The following MYH11 variants were observed in gnomAD, a reference collection of about 807,000 sequenced individuals.
MYH11 encodes the protein myosin-11.
In MYH11, 80 loss-of-function variants were observed where a neutral mutation model predicts 246.6. The ratio of observed to expected loss-of-function variants is 0.32; its 90% CI spans 0.27 to 0.39. The LOEUF (loss-of-function observed/expected upper bound fraction) is 0.39, where lower values mean the gene tolerates loss of function less well. Ranked by LOEUF, MYH11 falls within the 10% of genes least tolerant of loss-of-function variation. The pLI, the probability that MYH11 is intolerant of heterozygous loss-of-function variation, is 1.00. For synonymous variants in MYH11, 1,071 were observed against 1,015.5 expected (o/e 1.05, Z -1.04); for missense variants, 2,158 against 2,546.8 (o/e 0.85, Z 3.29).
chr16:15,755,428 C>G (rs75357883), intron 14 of MYH11, among the ~76,000 whole-genome samples: 1 of 152,082 alleles, frequency 6.6e-6, no homozygotes, highest in African/African-American at 2.4e-5. Flanking sequence ...TATTAGTCAC[C>G]CCATTCCAGT....
At chr16:15,849,819 G>A (rs66834422) in intron 1 of MYH11, among the ~76,000 whole-genome samples, 28,645 of 152,094 alleles carry the variant, frequency 0.19, 3,344 homozygotes, top group East Asian at 0.43. Context: ...GTCAAGTAAC[G>A]AGTCTCAGCT....
intron 1 of MYH11, among the ~76,000 whole-genome samples, chr16:15,848,054 G>A (rs941789941): frequency 3.9e-5 from 6 of 152,010 alleles, no homozygotes; most frequent in Non-Finnish European, 7.4e-5. Context: ...TGGCAGATCC[G>A]GAAACCTGAA....
intron 7 of MYH11, among the ~76,000 whole-genome samples, 156 bp from the exon 8 acceptor site, chr16:15,776,332 A>G (rs1262825172): frequency 6.6e-6 from 1 of 152,130 alleles, no homozygotes; most frequent in Non-Finnish European, 1.5e-5. Context: ...CTATGGACAA[A>G]TGGAACCGCT....
At chr16:15,721,949 G>A (rs938600484) in intron 31 of MYH11, among the ~76,000 whole-genome samples, 7 of 151,908 alleles carry the variant, frequency 4.6e-5, no homozygotes, top group Admixed American at 1.3e-4. Context: ...CCTCCGCCTC[G>A]TGGGTTCAAG....
At chr16:15,834,748 A>G (rs956120409) in intron 2 of MYH11, among the ~76,000 whole-genome samples, 4 of 152,080 alleles carry the variant, frequency 2.6e-5, no homozygotes, top group Non-Finnish European at 2.9e-5. Flanking sequence ...CAATGTGTCA[A>G]TGTACAGCAC....
chr16:15,851,807 A>G (rs1327675786), intron 1 of MYH11, among the ~76,000 whole-genome samples: 1 of 152,108 alleles, frequency 6.6e-6, no homozygotes, highest in Non-Finnish European at 1.5e-5. Context: ...TTTTCCTCCC[A>G]ACCAAGAGAA....
intron 1 of MYH11, among the ~76,000 whole-genome samples, chr16:15,846,686 A>G (rs1349688367): frequency 6.6e-6 from 1 of 152,152 alleles, no homozygotes; most frequent in Non-Finnish European, 1.5e-5. Context: ...CATCTCTAAG[A>G]AAAAATGTTT....
chr16:15,786,153 A>G (rs9929598), intron 5 of MYH11: 72,839 of 321,974 alleles, frequency 0.23, 9,690 homozygotes, highest in African/African-American at 0.41. Context: ...CTTCTCAATC[A>G]AGGGCAACTG....
intron 1 of MYH11, among the ~76,000 whole-genome samples, chr16:15,856,298 G>A (rs967938837): frequency 4.0e-5 from 6 of 148,736 alleles, no homozygotes; most frequent in Admixed American, 3.4e-4. Flanking sequence ...ATCTCCCAGG[G>A]GTTCTCAACA....
At chr16:15,848,615 A>G (rs1458310936) in intron 1 of MYH11, among the ~76,000 whole-genome samples, 1 of 152,140 alleles carries the variant, frequency 6.6e-6, no homozygotes, top group Non-Finnish European at 1.5e-5. Context: ...GATGTTCCGC[A>G]GCATCCCTGG....
chr16:15,855,457 G>A (rs2044440521), intron 1 of MYH11, among the ~76,000 whole-genome samples: 1 of 152,176 alleles, frequency 6.6e-6, no homozygotes, highest in Non-Finnish European at 1.5e-5. Flanking sequence ...GGGGTCAAGG[G>A]TATGAACTTG....
At chr16:15,777,000 T>C (rs1173907759) in intron 7 of MYH11, among the ~76,000 whole-genome samples, 1 of 152,080 alleles carries the variant, frequency 6.6e-6, no homozygotes, top group Non-Finnish European at 1.5e-5. Context: ...CTTCAAGTCC[T>C]AAAGCCAGCT....
intron 8 of MYH11, among the ~76,000 whole-genome samples, chr16:15,773,146 T>C (rs903037793): frequency 6.6e-6 from 1 of 152,126 alleles, no homozygotes; most frequent in Non-Finnish European, 1.5e-5. Context: ...CAGGTGCTTT[T>C]GGCCTATTGG....
chr16:15,706,533 C>A (rs979215054), intron 40 of MYH11, among the ~76,000 whole-genome samples: 2 of 152,118 alleles, frequency 1.3e-5, no homozygotes, highest in African/African-American at 4.8e-5. Flanking sequence ...TATGGTGAAA[C>A]CCCGTCTCTA....
chr16:15,831,464 G>GGGGTGTGTGTGTGTGTGT (rs138443794), intron 2 of MYH11, among the ~76,000 whole-genome samples: 1 of 145,588 alleles, frequency 6.9e-6, no homozygotes, highest in Non-Finnish European at 1.5e-5. Flanking sequence ...TTATGTTTGG[G>GGGGTGTGTGTGTGTGTGT]GTGTGTGTGT....
intron 1 of MYH11, among the ~76,000 whole-genome samples, chr16:15,838,612 C>A (rs1292248647): frequency 6.6e-6 from 1 of 152,152 alleles, no homozygotes; most frequent in Middle Eastern, 3.2e-3. Context: ...GTAAACCCAA[C>A]ACTGTGGGAG....
intron 1 of MYH11, among the ~76,000 whole-genome samples, chr16:15,854,306 C>T (rs890542168): frequency 2.0e-5 from 3 of 152,170 alleles, no homozygotes; most frequent in African/African-American, 7.2e-5. Flanking sequence ...ATAACCATCA[C>T]TGAAGCTTAC....
chr16:15,717,109 A>C, intron 38 of MYH11, 31 bp downstream of exon 38: 1 of 1,612,016 alleles, frequency 6.2e-7, no homozygotes, highest in African/African-American at 1.3e-5. Flanking sequence ...ACCCCCCTGC[A>C]AACTGGGTTC....
chr16:15,723,702 G>C (rs979560500), intron 31 of MYH11, among the ~76,000 whole-genome samples: 1 of 152,130 alleles, frequency 6.6e-6, no homozygotes, highest in Admixed American at 6.5e-5. Flanking sequence ...AATCCAGGTG[G>C]TGGCCTTAAA....
Sources: gnomAD v4.1 joint callset for allele counts (sites outside exome capture counted in the v4.1 genomes callset) on GRCh38, gnomAD v4.1.1 for gene constraint, MANE v1.5 for transcripts, NCBI Gene and HGNC (gene_info 2026-07-23, HGNC 2026-07-21) for gene names.